The following PAX3 variants were observed in gnomAD, a reference collection of about 807,000 sequenced individuals.
PAX3 encodes the protein paired box protein Pax-3.
PAX3 carries 14 observed loss-of-function variants against 51.6 expected under a neutral mutation model. The ratio of observed to expected loss-of-function variants is 0.27; its 90% CI spans 0.18 to 0.42. The LOEUF (loss-of-function observed/expected upper bound fraction) is 0.42. Ranked by LOEUF, PAX3 falls within the 10% of genes least tolerant of loss-of-function variation. The pLI is 1.00. For missense variants in PAX3, 540 were observed against 642.8 expected (o/e 0.84, Z 1.73); for synonymous variants, 280 against 253.4 (o/e 1.11, Z -1.00).
At chr2:222,233,249 C>G (rs1420736618) in intron 4 of PAX3, among the ~76,000 whole-genome samples, 1 of 152,078 alleles carries the variant, frequency 6.6e-6, no homozygotes, top group Non-Finnish European at 1.5e-5. Context: ...TGTGTGGTGG[C>G]CTAACACACA....
intron 4 of PAX3, among the ~76,000 whole-genome samples, chr2:222,290,664 C>A (rs1413966135): frequency 1.3e-5 from 2 of 152,196 alleles, no homozygotes; most frequent in East Asian, 3.9e-4. Flanking sequence ...GAGAGTCTTG[C>A]AGTCGCGTGT....
chr2:222,255,123 G>A (rs1050285453), intron 4 of PAX3, among the ~76,000 whole-genome samples: 9 of 152,196 alleles, frequency 5.9e-5, no homozygotes, highest in African/African-American at 2.2e-4. Flanking sequence ...AGGGCAAGTT[G>A]CAGCATTAAT....
intron 7 of PAX3, among the ~76,000 whole-genome samples, chr2:222,206,958 T>C (rs1214054358): frequency 6.6e-6 from 1 of 152,134 alleles, no homozygotes; most frequent in Non-Finnish European, 1.5e-5. Flanking sequence ...AGTAGTCAGG[T>C]GTTCTGATTT....
chr2:222,229,302 C>A (rs114579427), intron 5 of PAX3, among the ~76,000 whole-genome samples: 1 of 150,236 alleles, frequency 6.7e-6, no homozygotes, highest in African/African-American at 2.4e-5. Flanking sequence ...TATAATATTA[C>A]TATATCAATA....
chr2:222,286,288 G>C (rs181856222), intron 4 of PAX3, among the ~76,000 whole-genome samples: 1 of 152,222 alleles, frequency 6.6e-6, no homozygotes, highest in South Asian at 2.1e-4. Flanking sequence ...TCCAAGATGC[G>C]TGGGGAATTG....
chr2:222,253,752 G>A (rs1461046124), intron 4 of PAX3, among the ~76,000 whole-genome samples: 2 of 151,902 alleles, frequency 1.3e-5, no homozygotes, highest in South Asian at 2.1e-4. Flanking sequence ...CTAGGCTCAA[G>A]TGATCCTCCC....
intron 3 of PAX3, among the ~76,000 whole-genome samples, chr2:222,295,195 G>T (rs931950891): frequency 9.9e-5 from 15 of 152,098 alleles, no homozygotes; most frequent in African/African-American, 3.4e-4. Flanking sequence ...TTCGGTTGGG[G>T]TTACCAAAAC....
At chr2:222,293,507 G>A in intron 4 of PAX3, 2 of 867,228 alleles carry the variant, frequency 2.3e-6, no homozygotes, top group South Asian at 3.3e-5. Flanking sequence ...AAGACAGAGG[G>A]TGCCAGCACT....
In PAX3 at chr2:222,200,271, T is replaced by C. The variant is rs1369993752; in HGVS notation, c.*1137A>G. Reference sequence around the variant, plus strand: ...CCTCAGTTCCTATAATCTTTTAATATTGGATATCATTGTATAATTTAAAAG... The same window carrying C: ...CCTCAGTTCCTATAATCTTTTAATACTGGATATCATTGTATAATTTAAAAG... On this transcript the variant is annotated 3_prime_UTR_variant, in exon 9 of 9. Coordinates refer to ENST00000392070, the MANE Select transcript of PAX3 (RefSeq NM_181458.4). 2 of 218,020 alleles carry C rather than the reference T, an allele frequency of 9.2e-6. No homozygotes were observed. Among genetic ancestry groups the C allele is most frequent in the Admixed American group, 5.8e-5 (1 of 17,212 alleles). 13.5% of individuals were successfully genotyped at this position (218,020 alleles called of 1,614,324 possible).
intron 7 of PAX3, among the ~76,000 whole-genome samples, chr2:222,203,950 T>C (rs1425063006): frequency 6.6e-6 from 1 of 152,170 alleles, no homozygotes; most frequent in Non-Finnish European, 1.5e-5. Context: ...ATTTGAGTTA[T>C]TGTCTATGCA....
At chr2:222,248,022 T>C (rs1693291895) in intron 4 of PAX3, among the ~76,000 whole-genome samples, 1 of 152,194 alleles carries the variant, frequency 6.6e-6, no homozygotes, top group African/African-American at 2.4e-5. Flanking sequence ...TAATCATCAG[T>C]CTTCACTCTA....
intron 7 of PAX3, among the ~76,000 whole-genome samples, chr2:222,212,005 A>C (rs1691754840): frequency 6.6e-6 from 1 of 152,158 alleles, no homozygotes; most frequent in South Asian, 2.1e-4. Flanking sequence ...CTAGAAGCTT[A>C]TAATCAAAGG....
rs1272271288 is a variant in PAX3 at position 222,232,141 on chromosome 2, G to A, written c.729C>T (p.Tyr243=). 3.7e-6 allele frequency: 6 copies of A among 1,614,022 alleles called. No individual in the cohort carries two copies. Among genetic ancestry groups the A allele is most frequent in the Admixed American group, 1.7e-5 (1 of 60,002 alleles). ...GTTCCTCCCTAGTATAAATGTCAGG[G>A]TAATGAGTTCTCTCAAAAGCACGCT... ...ELERAFERTH[Y]PDIYTREELA... The change falls in exon 5 of 9, where the codon TAC becomes TAT. Residue 243 remains tyrosine (Y), a synonymous_variant. Transcript: ENST00000392070.
At chr2:222,230,383 A>C (rs1442842303) in intron 5 of PAX3, among the ~76,000 whole-genome samples, 1 of 109,728 alleles carries the variant, frequency 9.1e-6, no homozygotes, top group East Asian at 2.9e-4. Context: ...GGACACAGGG[A>C]GGGGAAAATC....
chr2:222,204,568 C>T (rs1276794281), intron 7 of PAX3, among the ~76,000 whole-genome samples: 1 of 152,038 alleles, frequency 6.6e-6, no homozygotes, highest in African/African-American at 2.4e-5. Context: ...AGTACATTTT[C>T]GTGTGTGATC....
intron 4 of PAX3, among the ~76,000 whole-genome samples, chr2:222,243,009 A>G (rs550202265): frequency 6.6e-6 from 1 of 152,350 alleles, no homozygotes; most frequent in Admixed American, 6.5e-5. Flanking sequence ...TTAGTTATAC[A>G]GAGAGCCTCT....
At chr2:222,218,517 A>G (rs759436558) in intron 7 of PAX3, among the ~76,000 whole-genome samples, 4 of 152,164 alleles carry the variant, frequency 2.6e-5, no homozygotes, top group Non-Finnish European at 4.4e-5. Context: ...AAAACTTTCA[A>G]CCAAATCATG....
At chr2:222,223,010 G>A (rs1302019142) in intron 5 of PAX3, among the ~76,000 whole-genome samples, 1 of 152,202 alleles carries the variant, frequency 6.6e-6, no homozygotes, top group Non-Finnish European at 1.5e-5. Flanking sequence ...CAGGAGGCCA[G>A]CTTAAGAGAA....
intron 4 of PAX3, among the ~76,000 whole-genome samples, chr2:222,245,707 C>T (rs1055374488): frequency 1.3e-5 from 2 of 151,678 alleles, no homozygotes; most frequent in Non-Finnish European, 2.9e-5. Flanking sequence ...CTGTGGCTCA[C>T]ACCTGTAAAC....
Sources: allele counts gnomAD v4.1 joint callset (sites outside exome capture counted in the v4.1 genomes callset), GRCh38; gene constraint gnomAD v4.1.1; transcripts MANE v1.5; gene names NCBI Gene and HGNC (gene_info 2026-07-23, HGNC 2026-07-21).